SBF2: variants seen among roughly 807,000 people sequenced by gnomAD.
SBF2 encodes myotubularin-related protein 13.
In SBF2, 112 loss-of-function variants were observed where a neutral mutation model predicts 225.2. The ratio of observed to expected loss-of-function variants is 0.50; its 90% CI spans 0.43 to 0.58. SBF2 has a LOEUF of 0.58. Among genes scored for constraint, SBF2 ranks in the 20% least tolerant of loss-of-function variants. SBF2 has a pLI of 0.00. For missense variants in SBF2, 1,996 were observed against 2,206.2 expected (o/e 0.90, Z 1.91); for synonymous variants, 763 against 773.3 (o/e 0.99, Z 0.22).
intron 2 of SBF2, among the ~76,000 whole-genome samples, chr11:10,117,371 G>A (rs906481190): frequency 6.6e-6 from 1 of 151,052 alleles, no homozygotes; most frequent in Non-Finnish European, 1.5e-5. Flanking sequence ...AACCCAGGAG[G>A]TGGGGGTTGC....
intron 2 of SBF2, among the ~76,000 whole-genome samples, chr11:10,051,848 G>C (rs932047324): frequency 5.3e-5 from 8 of 152,074 alleles, no homozygotes. Flanking sequence ...AGATTTGGGA[G>C]TATCAGAATA....
At chr11:10,161,109 T>C (rs1415002383) in intron 2 of SBF2, among the ~76,000 whole-genome samples, 1 of 142,370 alleles carries the variant, frequency 7.0e-6, no homozygotes, top group Non-Finnish European at 1.5e-5. Context: ...TGCTTGAGCC[T>C]GGGAGACAGA....
In SBF2 at chr11:10,159,889, C is replaced by CA. The variant is rs755547336; in HGVS notation, c.141+34012dup. On this transcript the variant is annotated intron_variant, in intron 2 of 39. Transcript: ENST00000256190. Reference sequence around the variant, plus strand: ...TGGGCAACAGAGCAAGACTCCGTCTCAAAAAAAAAAACCTCTGCCCCCTAA... The same window carrying CA: ...TGGGCAACAGAGCAAGACTCCGTCTCAAAAAAAAAAAACCTCTGCCCCCTAA... Among the ~76,000 whole-genome samples the CA allele has an allele frequency of 4.6e-3, 652 of 142,144 alleles. 3 individuals carry two copies. Among genetic ancestry groups the CA allele is most frequent in the African/African-American group, 0.012 (470 of 38,830 alleles). The allele number at this position is 142,144 out of a possible 152,430, so 93.3% of individuals were successfully genotyped here. A position where few individuals can be genotyped will look rare whatever the true frequency, so the allele number is the denominator to read the frequency against.
chr11:9,977,627 C>T (rs1219564804), intron 13 of SBF2, among the ~76,000 whole-genome samples: 6 of 152,202 alleles, frequency 3.9e-5, no homozygotes, highest in Admixed American at 6.5e-5. Context: ...AAAGAAGCTG[C>T]ATAGAGGTGT....
intron 32 of SBF2, among the ~76,000 whole-genome samples, chr11:9,798,094 C>T (rs947853238): frequency 6.6e-6 from 1 of 151,982 alleles, no homozygotes; most frequent in African/African-American, 2.4e-5. Flanking sequence ...CTTTTATTTC[C>T]TTGTTTTGTT....
At chr11:9,952,131 C>T (rs938515651) in intron 16 of SBF2, among the ~76,000 whole-genome samples, 1 of 152,246 alleles carries the variant, frequency 6.6e-6, no homozygotes, top group Non-Finnish European at 1.5e-5. Context: ...AGCCCACTGG[C>T]ATTCTCAATA....
intron 1 of SBF2, among the ~76,000 whole-genome samples, chr11:10,236,332 T>A (rs1959071892): frequency 1.3e-5 from 2 of 152,178 alleles, no homozygotes. Context: ...TATAGTAGTA[T>A]GCATATGCAG....
At chr11:10,277,251 C>CCAAACAAACAAA (rs1366758866) in intron 1 of SBF2, among the ~76,000 whole-genome samples, 8 of 29,734 alleles carry the variant, frequency 2.7e-4, no homozygotes, top group African/African-American at 5.1e-4. Flanking sequence ...GACTCTGTCT[C>CCAAACAAACAAA]TAAACAAACA....
chr11:9,893,044 TA>T (rs1421429523), intron 17 of SBF2, among the ~76,000 whole-genome samples: 2 of 152,186 alleles, frequency 1.3e-5, no homozygotes, highest in African/African-American at 2.4e-5. Context: ...AGATACTCAA[TA>T]AACTTTTGTT....
chr11:10,126,427 A>G (rs1234342203), intron 2 of SBF2, among the ~76,000 whole-genome samples: 2 of 152,090 alleles, frequency 1.3e-5, no homozygotes, highest in Admixed American at 6.6e-5. Context: ...TAAATGGTCA[A>G]TGTGTTGACA....
chr11:10,026,552 G>A (rs181780641), intron 6 of SBF2, among the ~76,000 whole-genome samples: 81 of 152,078 alleles, frequency 5.3e-4, no homozygotes, highest in Non-Finnish European at 9.3e-4. Flanking sequence ...GCAACATGGC[G>A]AGACCCTGTC....
Position 9,842,254 on chromosome 11 carries a change from C to A in SBF2, c.3256+371G>T, listed in dbSNP as rs532900997. Among the ~76,000 whole-genome samples the A allele has an allele frequency of 2.3e-4, 35 of 152,318 alleles. No homozygotes were observed. The South Asian group carries it at 7.0e-3, about 31-fold the overall frequency. ...CAATGTTCTTACCAAAAACTGAAAT[C>A]TTCAACTTGAAATGTTCAATGTCCT... On this transcript the variant is annotated intron_variant, in intron 25 of 39. Coordinates refer to ENST00000256190, the MANE Select transcript of SBF2 (RefSeq NM_030962.4).
At chr11:9,894,543 G>C (rs1038371399) in intron 17 of SBF2, among the ~76,000 whole-genome samples, 3 of 151,626 alleles carry the variant, frequency 2.0e-5, no homozygotes, top group Non-Finnish European at 4.4e-5. Context: ...AATTAGCTGG[G>C]TGTGGTGGTG....
intron 2 of SBF2, among the ~76,000 whole-genome samples, chr11:10,137,981 C>A (rs1376270645): frequency 6.6e-6 from 1 of 151,774 alleles, no homozygotes; most frequent in African/African-American, 2.4e-5. Flanking sequence ...GCCTGGGAGA[C>A]AGAGTAAGAC....
chr11:10,191,127 T>C (rs1166490096), intron 2 of SBF2, among the ~76,000 whole-genome samples: 1 of 152,200 alleles, frequency 6.6e-6, no homozygotes, highest in Non-Finnish European at 1.5e-5. Flanking sequence ...TACATGCTAA[T>C]GTTGTTCCAC....
At chr11:10,092,263 A>G (rs1951813196) in intron 2 of SBF2, among the ~76,000 whole-genome samples, 2 of 152,194 alleles carry the variant, frequency 1.3e-5, no homozygotes, top group Non-Finnish European at 2.9e-5. Flanking sequence ...CAAAATGATT[A>G]CTAATATGCT....
intron 17 of SBF2, among the ~76,000 whole-genome samples, chr11:9,891,647 GT>G (rs1860829096): frequency 6.6e-6 from 1 of 152,172 alleles, no homozygotes; most frequent in Non-Finnish European, 1.5e-5. Flanking sequence ...CACAGTAAAA[GT>G]AATCCTAAGA....
intron 1 of SBF2, among the ~76,000 whole-genome samples, chr11:10,254,968 C>T (rs1960744445): frequency 7.9e-6 from 1 of 126,574 alleles, no homozygotes; most frequent in South Asian, 2.7e-4. Flanking sequence ...CATCAATGAA[C>T]CTGGAAGACA....
chr11:10,233,236 T>C (rs1372812), intron 1 of SBF2, among the ~76,000 whole-genome samples: 3,281 of 152,306 alleles, frequency 0.022, 88 homozygotes, highest in African/African-American at 0.065. Context: ...AAAGTAGTTA[T>C]CTTGTCATTT....
Sources: allele counts gnomAD v4.1 joint callset (sites outside exome capture counted in the v4.1 genomes callset), GRCh38; gene constraint gnomAD v4.1.1; transcripts MANE v1.5; gene names NCBI Gene and HGNC (gene_info 2026-07-23, HGNC 2026-07-21).